Variants in LIMS1 observed in about 807,000 individuals in gnomAD.
LIMS1 encodes the protein LIM zinc finger domain containing 1.
LIMS1 carries 18 observed loss-of-function variants against 44.1 expected under a neutral mutation model. The observed-to-expected ratio is 0.41, with a 90% confidence interval of 0.28 to 0.61. The LOEUF is 0.61. LIMS1 is among the 20% of genes least tolerant of loss of function. The pLI, the probability that LIMS1 is intolerant of heterozygous loss-of-function variation, is 0.32. For missense variants in LIMS1, 201 were observed against 422.0 expected (o/e 0.48, Z 4.59); for synonymous variants, 93 against 149.1 (o/e 0.62, Z 2.74).
intron 1 of LIMS1, among the ~76,000 whole-genome samples, chr2:108,629,514 C>T (rs759023249): frequency 1.3e-5 from 2 of 152,138 alleles, no homozygotes; most frequent in Non-Finnish European, 2.9e-5. Flanking sequence ...TGAAAAAATG[C>T]AAGTATCAGT....
chr2:108,611,840 T>C (rs1187512319), intron 1 of LIMS1, among the ~76,000 whole-genome samples: 5 of 141,438 alleles, frequency 3.5e-5, no homozygotes, highest in Non-Finnish European at 7.6e-5. Context: ...ATCTAAAATA[T>C]ATATATATAT....
chr2:108,549,701 A>G (rs938312202), intron 1 of LIMS1, among the ~76,000 whole-genome samples: 2 of 152,186 alleles, frequency 1.3e-5, no homozygotes, highest in Non-Finnish European at 2.9e-5. Flanking sequence ...ACTATTAATC[A>G]GAATTCCAAG....
chr2:108,663,130 T>C (rs933976571), intron 2 of LIMS1, among the ~76,000 whole-genome samples: 18 of 152,244 alleles, frequency 1.2e-4, no homozygotes, highest in African/African-American at 3.1e-4. Context: ...TTTCTTTTCT[T>C]TTTCTTAAGA....
intron 1 of LIMS1, among the ~76,000 whole-genome samples, chr2:108,590,493 G>A (rs1172893024): frequency 6.6e-6 from 1 of 152,166 alleles, no homozygotes; most frequent in African/African-American, 2.4e-5. Context: ...TAAACACTTG[G>A]TGGTAGTTTA....
At chr2:108,566,803 G>T (rs1252098117) in intron 1 of LIMS1, among the ~76,000 whole-genome samples, 2 of 152,060 alleles carry the variant, frequency 1.3e-5, no homozygotes, top group Non-Finnish European at 2.9e-5. Context: ...CGCCATGTTG[G>T]CCAGGCTGGT....
intron 1 of LIMS1, among the ~76,000 whole-genome samples, chr2:108,602,058 G>T (rs1002783239): frequency 1.3e-5 from 2 of 151,986 alleles, no homozygotes; most frequent in Admixed American, 1.3e-4. Flanking sequence ...TATTTTATTT[G>T]TGTCTATTGT....
intron 1 of LIMS1, among the ~76,000 whole-genome samples, chr2:108,603,394 C>G (rs1469050716): frequency 6.6e-6 from 1 of 151,286 alleles, no homozygotes; most frequent in Admixed American, 6.6e-5. Context: ...TTTTCCATTC[C>G]TTCTAGATTT....
chr2:108,565,973 G>C (rs1685277693), intron 1 of LIMS1, among the ~76,000 whole-genome samples: 1 of 152,128 alleles, frequency 6.6e-6, no homozygotes, highest in South Asian at 2.1e-4. Context: ...TGTTGCATTG[G>C]GGATTAAGTT....
chr2:108,537,543 G>A (rs1259490410), intron 1 of LIMS1, among the ~76,000 whole-genome samples: 1 of 152,184 alleles, frequency 6.6e-6, no homozygotes, highest in East Asian at 1.9e-4. Context: ...AATGCCATGG[G>A]CCTAAGTGTA....
At chr2:108,594,245 A>C (rs1049662753) in intron 1 of LIMS1, among the ~76,000 whole-genome samples, 6 of 152,172 alleles carry the variant, frequency 3.9e-5, no homozygotes, top group Non-Finnish European at 8.8e-5. Context: ...GTTATGGTGA[A>C]TTCTGTGGAA....
chr2:108,567,322 G>C (rs1454579497), intron 1 of LIMS1, among the ~76,000 whole-genome samples: 1 of 152,082 alleles, frequency 6.6e-6, no homozygotes, highest in African/African-American at 2.4e-5. Flanking sequence ...GCCCTGTGAC[G>C]GGATGGAGTC....
chr2:108,665,482 G>T (rs992581749), intron 2 of LIMS1, among the ~76,000 whole-genome samples: 2 of 151,964 alleles, frequency 1.3e-5, no homozygotes, highest in African/African-American at 4.8e-5. Flanking sequence ...TAGAGACGTA[G>T]GCAGTAGTTA....
At chr2:108,611,958 T>TA (rs1439833875) in intron 1 of LIMS1, among the ~76,000 whole-genome samples, 9 of 141,898 alleles carry the variant, frequency 6.3e-5, no homozygotes, top group African/African-American at 2.4e-4. Flanking sequence ...TATACATATA[T>TA]TATATATACA....
chr2:108,586,865 G>C (rs1686128768), intron 1 of LIMS1, among the ~76,000 whole-genome samples: 1 of 152,146 alleles, frequency 6.6e-6, no homozygotes, highest in South Asian at 2.1e-4. Context: ...GAATGGGGGA[G>C]GGAACTGCTT....
Sources: gnomAD v4.1 joint callset for allele counts (sites outside exome capture counted in the v4.1 genomes callset) on GRCh38, gnomAD v4.1.1 for gene constraint, MANE v1.5 for transcripts, NCBI Gene and HGNC (gene_info 2026-07-23, HGNC 2026-07-21) for gene names.